SNRPN: variants seen among roughly 807,000 people sequenced by gnomAD.
SNRPN encodes small nuclear ribonucleoprotein polypeptide N.
In SNRPN, 7 loss-of-function variants were observed where a neutral mutation model predicts 25.2. The ratio of observed to expected loss-of-function variants is 0.28; its 90% CI spans 0.16 to 0.52. SNRPN has a LOEUF of 0.52. Among genes scored for constraint, SNRPN ranks in the 20% least tolerant of loss-of-function variants. SNRPN has a pLI of 0.96. For synonymous variants in SNRPN, 124 were observed against 110.6 expected, an observed-to-expected ratio of 1.12 and a Z score of -0.76; for missense variants, 196 against 322.5, an observed-to-expected ratio of 0.61 and a Z score of 3.00.
At chr15:24,831,742 C>T (rs556969472) in intron 2 of SNRPN, among the ~76,000 whole-genome samples, 6 of 152,090 alleles carry the variant, frequency 3.9e-5, no homozygotes, top group Middle Eastern at 3.4e-3. Flanking sequence ...TTTCTCTTCC[C>T]GGCATATTTC....
At chr15:24,937,234 C>T (rs1395047816) in intron 3 of SNRPN, among the ~76,000 whole-genome samples, 2 of 151,882 alleles carry the variant, frequency 1.3e-5, no homozygotes, top group African/African-American at 4.8e-5. Context: ...AGCGAGACTC[C>T]GTCTAAAACA....
chr15:24,952,044 T>C (rs55816222), upstream of SNRPN, among the ~76,000 whole-genome samples: 49,739 of 151,856 alleles, frequency 0.33, 8,475 homozygotes, highest in East Asian at 0.51. Flanking sequence ...TTTATATATA[T>C]ACACACATAT....
At chr15:24,957,707 T>C (rs1203004414) in intron 1 of SNRPN, among the ~76,000 whole-genome samples, 1 of 152,230 alleles carries the variant, frequency 6.6e-6, no homozygotes, top group African/African-American at 2.4e-5. Context: ...AGCAGGAGTC[T>C]GGGATTTTAT....
intron 2 of SNRPN, among the ~76,000 whole-genome samples, chr15:24,837,904 G>A (rs1318237553): frequency 6.6e-6 from 1 of 150,864 alleles, no homozygotes; most frequent in Non-Finnish European, 1.5e-5. Context: ...TGTATTTTTA[G>A]TAGAGACAGG....
intron 1 of SNRPN, among the ~76,000 whole-genome samples, chr15:24,863,034 T>C (rs1405497137): frequency 2.7e-5 from 4 of 150,906 alleles, no homozygotes; most frequent in Admixed American, 2.6e-4. Context: ...GGAGTTCGAA[T>C]GCCTTTTCTT....
chr15:24,909,865 C>T (rs1472322200), intron 2 of SNRPN: 2 of 810,262 alleles, frequency 2.5e-6, no homozygotes, highest in South Asian at 2.9e-5. Flanking sequence ...TCAACAGAGA[C>T]CAGCAGGCAC....
intron 3 of SNRPN, among the ~76,000 whole-genome samples, chr15:24,935,142 T>TGCCC (rs2061139293): frequency 1.3e-5 from 2 of 152,110 alleles, no homozygotes; most frequent in Middle Eastern, 6.8e-3. Flanking sequence ...CATGGCAGCA[T>TGCCC]GCCCGTATAG....
chr15:24,859,896 G>T (rs967181715), intron 1 of SNRPN, among the ~76,000 whole-genome samples: 1 of 152,168 alleles, frequency 6.6e-6, no homozygotes, highest in African/African-American at 2.4e-5. Flanking sequence ...TAGCACTGAG[G>T]ACGACCAGAG....
chr15:24,863,376 AG>A (rs892463973), intron 1 of SNRPN, among the ~76,000 whole-genome samples: 2 of 150,598 alleles, frequency 1.3e-5, no homozygotes, highest in Non-Finnish European at 2.9e-5. Flanking sequence ...CAAGGTTGGC[AG>A]GGGGCTGCAG....
intron 2 of SNRPN, 87 bp from the exon 3 acceptor site, chr15:24,967,845 T>C (rs2075883952): frequency 9.4e-7 from 1 of 1,060,994 alleles, no homozygotes; most frequent in Admixed American, 1.8e-5. Context: ...TCTTCTTAAA[T>C]GTAAGGGTAC....
chr15:24,857,402 T>C (rs888582176), intron 1 of SNRPN, among the ~76,000 whole-genome samples: 3 of 152,188 alleles, frequency 2.0e-5, no homozygotes, highest in East Asian at 1.9e-4. Context: ...TGATGAATGA[T>C]TAATATTTTG....
intron 2 of SNRPN, among the ~76,000 whole-genome samples, chr15:24,965,592 T>A (rs950954012): frequency 5.9e-5 from 9 of 152,216 alleles, no homozygotes; most frequent in African/African-American, 1.9e-4. Flanking sequence ...ATTCTGTCTT[T>A]CAGTGTATTT....
intron 5 of SNRPN, 87 bp downstream of exon 5, chr15:24,975,596 A>G: frequency 9.0e-7 from 1 of 1,116,630 alleles, no homozygotes; most frequent in Non-Finnish European, 1.3e-6. Context: ...TCCGAGGGTA[A>G]CTGAAGTAGT....
intron 1 of SNRPN, among the ~76,000 whole-genome samples, chr15:24,882,890 CATTG>C (rs748683093): frequency 2.6e-5 from 4 of 151,026 alleles, no homozygotes; most frequent in African/African-American, 4.9e-5. Flanking sequence ...TATTGAATAT[CATTG>C]ATTGGCCCAG....
chr15:24,857,469 A>T (rs2053516240), intron 1 of SNRPN, among the ~76,000 whole-genome samples: 1 of 152,318 alleles, frequency 6.6e-6, no homozygotes, highest in South Asian at 2.1e-4. Context: ...GTTGTCATCC[A>T]TATCCAGGTA....
chr15:24,956,664 T>C, intron 1 of SNRPN, among the ~76,000 whole-genome samples: 1 of 152,196 alleles, frequency 6.6e-6, no homozygotes, highest in East Asian at 1.9e-4. Flanking sequence ...ACCTGGCTGA[T>C]ACAGCAGCTG....
chr15:24,897,733 C>G (rs1293333795), intron 2 of SNRPN, among the ~76,000 whole-genome samples: 2 of 152,118 alleles, frequency 1.3e-5, no homozygotes, highest in African/African-American at 4.8e-5. Context: ...AGATCTGATG[C>G]TTTTATAAAT....
intron 1 of SNRPN, among the ~76,000 whole-genome samples, chr15:24,884,958 A>G (rs1378461564): frequency 6.6e-6 from 1 of 152,188 alleles, no homozygotes; most frequent in East Asian, 1.9e-4. Flanking sequence ...TCAGAAAGCA[A>G]GAGGAGAAAT....
chr15:24,954,289 G>A (rs1437797783), upstream of SNRPN, among the ~76,000 whole-genome samples: 2 of 152,060 alleles, frequency 1.3e-5, no homozygotes, highest in African/African-American at 4.8e-5. Flanking sequence ...ATTCTAATAG[G>A]CAAAGAAAGG....
Sources: allele counts gnomAD v4.1 joint callset (sites outside exome capture counted in the v4.1 genomes callset), GRCh38; gene constraint gnomAD v4.1.1; transcripts MANE v1.5; gene names NCBI Gene and HGNC (gene_info 2026-07-23, HGNC 2026-07-21).